NOL4: variants seen among roughly 807,000 people sequenced by gnomAD.
The protein encoded by NOL4 is cancer/testis antigen 125.
In NOL4, 17 loss-of-function variants were observed where a neutral mutation model predicts 75.9. The observed-to-expected ratio is 0.22, with a 90% CI of 0.15 to 0.34. The LOEUF is 0.34. NOL4 is among the 10% of genes least tolerant of loss of function. The pLI, the probability that NOL4 is intolerant of heterozygous loss-of-function variation, is 1.00. For missense variants in NOL4, 614 were observed against 793.5 expected (o/e 0.77, Z 2.72); for synonymous variants, 292 against 289.9 (o/e 1.01, Z -0.07).
At chr18:34,152,955 T>A (rs1041002308) in intron 1 of NOL4, among the ~76,000 whole-genome samples, 3 of 151,842 alleles carry the variant, frequency 2.0e-5, no homozygotes, top group Non-Finnish European at 4.4e-5. Flanking sequence ...AATAGATAAG[T>A]CATATTCTTA....
At chr18:34,099,376 A>AAAAAAAAAAAAAAAAAAAAAAAC (rs1283092250) in intron 4 of NOL4, among the ~76,000 whole-genome samples, 1 of 150,144 alleles carries the variant, frequency 6.7e-6, no homozygotes, top group African/African-American at 2.4e-5. Flanking sequence ...AAAAAAAAAA[A>AAAAAAAAAAAAAAAAAAAAAAAC]AGACAACTAC....
chr18:34,099,700 T>C (rs192120079), intron 4 of NOL4, among the ~76,000 whole-genome samples: 3 of 152,230 alleles, frequency 2.0e-5, no homozygotes, highest in Non-Finnish European at 4.4e-5. Flanking sequence ...CCCTTTTGCA[T>C]TGACCTCCCC....
intron 2 of NOL4, among the ~76,000 whole-genome samples, chr18:34,105,454 C>A (rs921313172): frequency 6.6e-6 from 1 of 151,882 alleles, no homozygotes; most frequent in African/African-American, 2.4e-5. Flanking sequence ...GTACAGATGT[C>A]CTAGTGAATT....
chr18:34,069,687 T>C (rs994431864), intron 5 of NOL4, among the ~76,000 whole-genome samples: 2 of 151,780 alleles, frequency 1.3e-5, no homozygotes, highest in African/African-American at 4.8e-5. Flanking sequence ...AAACCCACAA[T>C]CGCAGCAACC....
chr18:34,084,062 G>C (rs2078132264), intron 5 of NOL4, among the ~76,000 whole-genome samples: 1 of 152,182 alleles, frequency 6.6e-6, no homozygotes, highest in African/African-American at 2.4e-5. Context: ...TTTTCCCAGA[G>C]GGGCACTGAC....
intron 6 of NOL4, among the ~76,000 whole-genome samples, chr18:34,007,512 T>A (rs568902678): frequency 6.6e-6 from 1 of 152,152 alleles, no homozygotes; most frequent in Admixed American, 6.6e-5. Flanking sequence ...AGATACTGAA[T>A]ATAGGAAAAT....
At chr18:34,181,884 T>G (rs1253548429) in intron 1 of NOL4, among the ~76,000 whole-genome samples, 1 of 151,502 alleles carries the variant, frequency 6.6e-6, no homozygotes, top group African/African-American at 2.4e-5. Flanking sequence ...ATGGCTGTGA[T>G]GAAAAGACAA....
At chr18:34,140,794 G>A (rs997095923) in intron 1 of NOL4, among the ~76,000 whole-genome samples, 1 of 152,014 alleles carries the variant, frequency 6.6e-6, no homozygotes, top group Non-Finnish European at 1.5e-5. Context: ...TTACAATTTG[G>A]CATGTTTTTG....
intron 1 of NOL4, among the ~76,000 whole-genome samples, chr18:34,164,463 A>C (rs2032027135): frequency 6.6e-6 from 1 of 152,244 alleles, no homozygotes; most frequent in Non-Finnish European, 1.5e-5. Context: ...AAAAGAAGAC[A>C]TTTATGCAGC....
intron 1 of NOL4, among the ~76,000 whole-genome samples, chr18:34,194,083 G>A (rs1432274010): frequency 9.9e-5 from 15 of 152,084 alleles, no homozygotes; most frequent in Non-Finnish European, 4.4e-5. Flanking sequence ...GGGGGATAGG[G>A]GTTGGGGAAA....
chr18:33,882,522 G>C (rs953793938), intron 10 of NOL4, among the ~76,000 whole-genome samples: 2 of 151,730 alleles, frequency 1.3e-5, no homozygotes, highest in African/African-American at 4.9e-5. Flanking sequence ...TCTCACACCA[G>C]TTAGAATGGC....
intron 6 of NOL4, among the ~76,000 whole-genome samples, chr18:33,979,913 T>A (rs958192156): frequency 1.1e-4 from 17 of 152,022 alleles, no homozygotes; most frequent in African/African-American, 4.1e-4. Flanking sequence ...ACCTGCCTCA[T>A]AAGAAAGCAA....
At chr18:33,864,075 C>T (rs1354401512) in intron 10 of NOL4, among the ~76,000 whole-genome samples, 3 of 152,156 alleles carry the variant, frequency 2.0e-5, no homozygotes, top group Non-Finnish European at 4.4e-5. Context: ...ATGCAGGGCA[C>T]CAAGTCCCAA....
chr18:33,937,753 T>C (rs756694825), intron 9 of NOL4, among the ~76,000 whole-genome samples: 1 of 152,044 alleles, frequency 6.6e-6, no homozygotes, highest in Non-Finnish European at 1.5e-5. Flanking sequence ...AGGAAATCTA[T>C]AGAATTTACA....
intron 6 of NOL4, chr18:34,001,778 C>T (rs1181894350): frequency 6.5e-6 from 1 of 152,696 alleles, no homozygotes; most frequent in Non-Finnish European, 1.5e-5. Context: ...TAATTGTAAA[C>T]ACCACTGCAC....
chr18:34,200,085 C>A (rs186541075), intron 1 of NOL4, among the ~76,000 whole-genome samples: 1 of 151,808 alleles, frequency 6.6e-6, no homozygotes, highest in Non-Finnish European at 1.5e-5. Context: ...AGTGTCATCA[C>A]AGAAGTAAGC....
At chr18:34,051,155 G>A (rs1012425920) in intron 5 of NOL4, among the ~76,000 whole-genome samples, 1 of 151,978 alleles carries the variant, frequency 6.6e-6, no homozygotes, top group African/African-American at 2.4e-5. Flanking sequence ...CTTGAAGACA[G>A]GGACTAAATA....
Position 34,223,171 on chromosome 18 carries a change from A to G in NOL4, c.83T>C (p.Val28Ala). 6.2e-7 allele frequency: 1 copy of G among 1,614,184 alleles called. No homozygotes were observed. Among genetic ancestry groups the G allele is most frequent in the East Asian group, 2.2e-5 (1 of 44,852 alleles). The change falls in exon 1 of 11, where the codon GTG (valine) becomes GCG (alanine). Residue 28 changes from valine to alanine, a missense_variant. Val to Ala is a moderately conservative substitution (Grantham distance 64). Coordinates refer to ENST00000261592, the MANE Select transcript of NOL4 (RefSeq NM_003787.5). ...GATCCGTTCGTATTTTTTACGGGTC[A>G]CCGTCTTGGTCTTGCCTGAGTCCCC... ...TYGDSGKTKT[V>A]TRKKYERIVQ...
chr18:34,185,176 A>C (rs2034358628), intron 1 of NOL4, among the ~76,000 whole-genome samples: 1 of 152,168 alleles, frequency 6.6e-6, no homozygotes, highest in Non-Finnish European at 1.5e-5. Context: ...TCTAATCTGA[A>C]AACTGTCAAT....
Sources: allele counts gnomAD v4.1 joint callset (sites outside exome capture counted in the v4.1 genomes callset), GRCh38; gene constraint gnomAD v4.1.1; transcripts MANE v1.5; gene names NCBI Gene and HGNC (gene_info 2026-07-23, HGNC 2026-07-21).